Variants in ANKS1B observed in about 807,000 individuals in gnomAD.
ANKS1B encodes the protein ankyrin repeat and sterile alpha motif domain containing 1B.
A neutral mutation model predicts 148.3 loss-of-function variants in ANKS1B; 36 were observed. That is an observed-to-expected ratio of 0.24 (90% CI 0.19 to 0.32). ANKS1B has a LOEUF of 0.32. Among genes scored for constraint, ANKS1B ranks in the 10% least tolerant of loss-of-function variants. ANKS1B has a pLI of 1.00. For synonymous variants in ANKS1B, 542 were observed against 560.8 expected, an observed-to-expected ratio of 0.97 and a Z score of 0.47; for missense variants, 1,157 against 1,542.6, an observed-to-expected ratio of 0.75 and a Z score of 4.19.
intron 17 of ANKS1B, among the ~76,000 whole-genome samples, chr12:98,868,329 C>T (rs906293022): frequency 3.3e-5 from 5 of 152,152 alleles, no homozygotes; most frequent in Admixed American, 3.3e-4. Context: ...AGTAGCTTGC[C>T]TCATGTTGCA....
Position 99,461,429 on chromosome 12 carries a change from T to TA in ANKS1B, c.1439-17621dup, listed in dbSNP as rs377620401. Among the ~76,000 whole-genome samples, 959 of 150,742 alleles carry TA rather than the reference T, an allele frequency of 6.4e-3. 9 individuals are homozygous for TA. Among genetic ancestry groups the TA allele is most frequent in the African/African-American group, 0.022 (903 of 41,154 alleles). Reference sequence around the variant, plus strand: ...CTGTTTCCTAAAAACCTATTAAAATTAAAAAAAAAGAAGAAGAAAATGAAC... The same window carrying TA: ...CTGTTTCCTAAAAACCTATTAAAATTAAAAAAAAAAGAAGAAGAAAATGAAC... On this transcript the variant is annotated intron_variant, in intron 10 of 26. Transcript: ENST00000683438.
intron 8 of ANKS1B, among the ~76,000 whole-genome samples, chr12:99,689,007 T>C (rs1178013402): frequency 6.6e-6 from 1 of 152,208 alleles, no homozygotes; most frequent in Non-Finnish European, 1.5e-5. Flanking sequence ...ATTTAGACTT[T>C]TTAGCCCTAA....
chr12:98,855,234 T>C (rs559704364), intron 17 of ANKS1B, among the ~76,000 whole-genome samples: 1 of 152,326 alleles, frequency 6.6e-6, no homozygotes, highest in South Asian at 2.1e-4. Context: ...AAAATACTTA[T>C]TTTTCAGTAA....
chr12:99,714,397 T>C (rs2057029296), intron 8 of ANKS1B, among the ~76,000 whole-genome samples: 1 of 152,246 alleles, frequency 6.6e-6, no homozygotes, highest in Non-Finnish European at 1.5e-5. Flanking sequence ...TATTGCTCTT[T>C]GCACATATTG....
chr12:98,968,668 T>C (rs1003332117), intron 17 of ANKS1B, among the ~76,000 whole-genome samples: 5 of 152,078 alleles, frequency 3.3e-5, no homozygotes, highest in African/African-American at 9.7e-5. Flanking sequence ...AGCCATTAAA[T>C]GACAGAGGCC....
downstream of ANKS1B, among the ~76,000 whole-genome samples, chr12:98,742,865 G>A (rs2097812323): frequency 1.3e-5 from 2 of 152,210 alleles, no homozygotes; most frequent in African/African-American, 4.8e-5. Flanking sequence ...TGGAATATGG[G>A]GTGGGCCAGT....
chr12:99,841,583 T>C (rs953264769), intron 1 of ANKS1B, among the ~76,000 whole-genome samples: 1 of 152,068 alleles, frequency 6.6e-6, no homozygotes, highest in Non-Finnish European at 1.5e-5. Context: ...ATTATGTTAA[T>C]TGAATATTTG....
chr12:99,605,640 C>T (rs989211519), intron 9 of ANKS1B, among the ~76,000 whole-genome samples: 1 of 152,086 alleles, frequency 6.6e-6, no homozygotes, highest in Non-Finnish European at 1.5e-5. Flanking sequence ...CAGCCTCATC[C>T]ATGTTGCTAG....
intron 17 of ANKS1B, chr12:98,895,154 C>G: frequency 3.0e-6 from 3 of 985,236 alleles, no homozygotes; most frequent in Non-Finnish European, 3.6e-6. Flanking sequence ...ACCCTCACTG[C>G]GAGAGCGATG....
At chr12:99,380,937 A>G (rs2093620467) in intron 12 of ANKS1B, among the ~76,000 whole-genome samples, 1 of 152,184 alleles carries the variant, frequency 6.6e-6, no homozygotes, top group African/African-American at 2.4e-5. Flanking sequence ...AACAAAACCA[A>G]TTAACAAAGG....
At chr12:98,794,856 A>G (rs2098933199) in intron 22 of ANKS1B, 1 of 1,604,068 alleles carries the variant, frequency 6.2e-7, no homozygotes, top group Non-Finnish European at 8.5e-7. Context: ...ATATCAAAGA[A>G]GTCAAGCAAA....
intron 17 of ANKS1B, among the ~76,000 whole-genome samples, chr12:98,850,490 C>T (rs373286429): frequency 1.2e-3 from 43 of 34,442 alleles, no homozygotes; most frequent in African/African-American, 2.8e-3. Flanking sequence ...TTTTTTGAGA[C>T]GGAGTCTCAC....
chr12:99,548,824 G>A (rs1733838242), intron 9 of ANKS1B, among the ~76,000 whole-genome samples: 1 of 152,124 alleles, frequency 6.6e-6, no homozygotes, highest in Admixed American at 6.5e-5. Context: ...CAGACATTCA[G>A]TCATTAGAAG....
At chr12:98,790,680 CAAAGCACTGGCA>C (rs960721138) in intron 22 of ANKS1B, among the ~76,000 whole-genome samples, 2 of 151,638 alleles carry the variant, frequency 1.3e-5, no homozygotes, top group Non-Finnish European at 2.9e-5. Flanking sequence ...CTCTCCAAAG[CAAAGCACTGGCA>C]AAAGAGAGCA....
At chr12:99,805,744 C>T (rs549772729) in intron 4 of ANKS1B, among the ~76,000 whole-genome samples, 30 of 152,242 alleles carry the variant, frequency 2.0e-4, no homozygotes, top group African/African-American at 6.5e-4. Context: ...TCCTACAAAG[C>T]TCACCTCAAA....
At chr12:99,001,831 A>G (rs1417126429) in intron 17 of ANKS1B, among the ~76,000 whole-genome samples, 1 of 152,228 alleles carries the variant, frequency 6.6e-6, no homozygotes, top group Non-Finnish European at 1.5e-5. Flanking sequence ...ATCTCTGGTA[A>G]CCAATTTCTA....
At chr12:98,810,187 C>G (rs1279266420) in intron 19 of ANKS1B, among the ~76,000 whole-genome samples, 1 of 152,234 alleles carries the variant, frequency 6.6e-6, no homozygotes, top group Non-Finnish European at 1.5e-5. Flanking sequence ...GTAACTTTAT[C>G]CAAATAAGAT....
At position 99,066,855 on chromosome 12, in the gene ANKS1B, C is replaced by G. The variant is rs1230857331; in HGVS notation, c.2626-13546G>C. Among the ~76,000 whole-genome samples, 5 of 152,152 alleles carry G rather than the reference C, an allele frequency of 3.3e-5. No individual in the cohort carries two copies. The South Asian group carries it at 8.3e-4, about 25-fold the overall frequency. On this transcript the variant is annotated intron_variant, in intron 16 of 26. Transcript: ENST00000683438. Reference sequence around the variant, plus strand: ...GAATCTGTCAGTTTGGTGGTTGCAGCTGTGTGTCATGGGTCTCAGCTTGAA... The same window carrying G: ...GAATCTGTCAGTTTGGTGGTTGCAGGTGTGTGTCATGGGTCTCAGCTTGAA...
intron 12 of ANKS1B, among the ~76,000 whole-genome samples, chr12:99,301,981 T>A (rs1476966103): frequency 6.6e-6 from 1 of 152,006 alleles, no homozygotes; most frequent in Admixed American, 6.6e-5. Flanking sequence ...GGCCAAGCAA[T>A]TCTAGGTGGG....
Sources: allele counts gnomAD v4.1 joint callset (sites outside exome capture counted in the v4.1 genomes callset), GRCh38; gene constraint gnomAD v4.1.1; transcripts MANE v1.5; gene names NCBI Gene and HGNC (gene_info 2026-07-23, HGNC 2026-07-21).